The following NOTCH2 variants were observed in gnomAD, a reference collection of about 807,000 sequenced individuals.
NOTCH2 encodes the protein notch receptor 2.
NOTCH2 carries 29 observed loss-of-function variants against 235.8 expected under a neutral mutation model. The ratio of observed to expected loss-of-function variants is 0.12; its 90% CI spans 0.09 to 0.17. The LOEUF is 0.17. NOTCH2 is among the 10% of genes least tolerant of loss of function. The pLI is 1.00. For synonymous variants in NOTCH2, 1,086 were observed against 1,141.5 expected, an observed-to-expected ratio of 0.95 and a Z score of 0.98; for missense variants, 2,285 against 3,150.2, an observed-to-expected ratio of 0.73 and a Z score of 6.57.
chr1:119,966,990 G>A (rs1651164252), intron 8 of NOTCH2, among the ~76,000 whole-genome samples: 1 of 152,038 alleles, frequency 6.6e-6, no homozygotes, highest in South Asian at 2.1e-4. Flanking sequence ...TTAAAGACAT[G>A]GTCTATGCAG....
intron 2 of NOTCH2, among the ~76,000 whole-genome samples, chr1:120,023,063 G>C (rs1369368416): frequency 6.6e-6 from 1 of 151,710 alleles, no homozygotes; most frequent in Admixed American, 6.6e-5. Flanking sequence ...ATGTTAGCTA[G>C]CATTATAGAC....
At chr1:120,041,273 C>T (rs1462939863) in intron 1 of NOTCH2, among the ~76,000 whole-genome samples, 4 of 120,598 alleles carry the variant, frequency 3.3e-5, no homozygotes, top group South Asian at 2.9e-4. Context: ...CTCTTAAAAA[C>T]GCCAGTCCTC....
At chr1:119,923,243 G>T (rs1649348449) in intron 26 of NOTCH2, among the ~76,000 whole-genome samples, 1 of 152,210 alleles carries the variant, frequency 6.6e-6, no homozygotes, top group Non-Finnish European at 1.5e-5. Context: ...AAAGAGTGAG[G>T]TGTGAATGAC....
chr1:119,972,983 C>T lies in NOTCH2; in HGVS notation c.875-3239G>A, dbSNP rs182142564. ...CTGGAAACACTTGTGACTGCAAACT[C>T]CTGTCTAAAAGGGAAATGTATTTTT... On this transcript the variant is annotated intron_variant, in intron 5 of 33. Transcript: ENST00000256646. Among the ~76,000 whole-genome samples, 37 of 152,232 alleles carry T rather than the reference C, an allele frequency of 2.4e-4. No homozygotes were observed. The East Asian group carries it at 7.1e-3, about 29-fold the overall frequency.
At chr1:119,950,530 C>T (rs1553197608) in intron 15 of NOTCH2, 194 bp downstream of exon 15, 1 of 696,416 alleles carries the variant, frequency 1.4e-6, no homozygotes, top group Non-Finnish European at 2.6e-6. Context: ...AATGACTGTC[C>T]ACCACTTGCA....
intron 1 of NOTCH2, among the ~76,000 whole-genome samples, chr1:120,060,527 C>G (rs1237069725): frequency 1.3e-5 from 2 of 150,344 alleles, no homozygotes; most frequent in Admixed American, 6.6e-5. Context: ...AGACGTATAC[C>G]AAAAAATTAA....
intron 14 of NOTCH2, among the ~76,000 whole-genome samples, chr1:119,951,445 C>T (rs1428256960): frequency 6.6e-6 from 1 of 152,216 alleles, no homozygotes; most frequent in African/African-American, 2.4e-5. Context: ...AGCCATCGCA[C>T]CCAGCCAATA....
chr1:119,932,416 T>C (rs969006102), intron 22 of NOTCH2, among the ~76,000 whole-genome samples: 2 of 152,048 alleles, frequency 1.3e-5, no homozygotes, highest in African/African-American at 2.4e-5. Flanking sequence ...GGAGAAACCC[T>C]GTCTCTATTA....
chr1:119,927,022 C>T (rs1363409959), intron 23 of NOTCH2, among the ~76,000 whole-genome samples: 1 of 152,206 alleles, frequency 6.6e-6, no homozygotes, highest in Non-Finnish European at 1.5e-5. Context: ...TACACCAGGC[C>T]AATACATTTA....
At chr1:120,029,260 A>C (rs1653996794) in intron 2 of NOTCH2, among the ~76,000 whole-genome samples, 1 of 151,308 alleles carries the variant, frequency 6.6e-6, no homozygotes, top group Non-Finnish European at 1.5e-5. Flanking sequence ...TTACTTAAAA[A>C]CAAGATAATA....
chr1:119,932,607 A>ATATCTATTTATCTATC (rs1553195298), intron 22 of NOTCH2, among the ~76,000 whole-genome samples: 1 of 148,344 alleles, frequency 6.7e-6, no homozygotes, highest in African/African-American at 2.5e-5. Context: ...AAACAAACAA[A>ATATCTATTTATCTATC]TATCTATCTA....
At chr1:119,926,394 T>C in intron 24 of NOTCH2, 105 bp downstream of exon 24, 1 of 905,244 alleles carries the variant, frequency 1.1e-6, no homozygotes, top group East Asian at 2.6e-5. Context: ...AATTGAGAAA[T>C]CTTCCCATTT....
chr1:120,007,046 A>C (rs1385933996), intron 2 of NOTCH2, among the ~76,000 whole-genome samples: 1 of 152,238 alleles, frequency 6.6e-6, no homozygotes. Context: ...GTAACTGGCC[A>C]CAGCCTCTTC....
chr1:119,917,162 G>C (rs952671502), intron 33 of NOTCH2, among the ~76,000 whole-genome samples: 9 of 151,732 alleles, frequency 5.9e-5, no homozygotes, highest in African/African-American at 2.2e-4. Flanking sequence ...AAAAGTAAGG[G>C]AAACAGTGAA....
At chr1:120,046,031 T>C (rs1376077008) in intron 1 of NOTCH2, among the ~76,000 whole-genome samples, 113 of 151,910 alleles carry the variant, frequency 7.4e-4, no homozygotes, top group African/African-American at 2.6e-3. Flanking sequence ...TGTATAAATA[T>C]GTATTTACTT....
In NOTCH2 at chr1:119,912,418, TA is replaced by T. The variant is rs1419156596; in HGVS notation, c.*2887del. The T allele has an allele frequency of 8.6e-6, 2 of 233,260 alleles. No homozygotes were observed. Among genetic ancestry groups the T allele is most frequent in the Non-Finnish European group, 1.7e-5 (2 of 117,906 alleles). The allele number at this position is 233,260 out of a possible 1,614,324, so 14.4% of individuals were successfully genotyped here. Reference sequence around the variant, plus strand: ...CTTTGGTTCTTTATTATGCAAAAATTACAAATTGGCAAATTCAATAAGAGGA... The same window carrying T: ...CTTTGGTTCTTTATTATGCAAAAATTCAAATTGGCAAATTCAATAAGAGGA... On this transcript the variant is annotated 3_prime_UTR_variant, in exon 34 of 34. Transcript: ENST00000256646.
At chr1:119,937,506 T>A in intron 20 of NOTCH2, 40 bp from the exon 21 acceptor site, 1 of 1,580,340 alleles carries the variant, frequency 6.3e-7, no homozygotes, top group African/African-American at 1.3e-5. Context: ...TAGAAGAACA[T>A]GTGACACATG....
intron 32 of NOTCH2, 45 bp from the exon 33 acceptor site, chr1:119,917,807 A>G: frequency 8.9e-7 from 1 of 1,127,244 alleles, no homozygotes; most frequent in African/African-American, 1.5e-5. Flanking sequence ...TCCTACTCTT[A>G]GTATAAGACA....
chr1:119,935,402 G>C, intron 22 of NOTCH2, 70 bp downstream of exon 22: 1 of 1,613,050 alleles, frequency 6.2e-7, no homozygotes, highest in Non-Finnish European at 8.5e-7. Flanking sequence ...AAAATCCCCT[G>C]AACACTAAGA....
Sources: gnomAD v4.1 joint callset for allele counts (sites outside exome capture counted in the v4.1 genomes callset) on GRCh38, gnomAD v4.1.1 for gene constraint, MANE v1.5 for transcripts, NCBI Gene and HGNC (gene_info 2026-07-23, HGNC 2026-07-21) for gene names.